RIMS2: variants seen among roughly 807,000 people sequenced by gnomAD.
RIMS2 encodes regulating synaptic membrane exocytosis 2.
RIMS2 carries 59 observed loss-of-function variants against 174.4 expected under a neutral mutation model. The ratio of observed to expected loss-of-function variants is 0.34; its 90% CI spans 0.27 to 0.42. The LOEUF (loss-of-function observed/expected upper bound fraction) is 0.42. RIMS2 is among the 10% of genes least tolerant of loss of function. The pLI, the probability that RIMS2 is intolerant of heterozygous loss-of-function variation, is 1.00. For missense variants in RIMS2, 1,620 were observed against 1,666.3 expected, an observed-to-expected ratio of 0.97 and a Z score of 0.48; for synonymous variants, 606 against 572.5, an observed-to-expected ratio of 1.06 and a Z score of -0.84.
At position 103,905,761 on chromosome 8, in the gene RIMS2, G is replaced by A. The variant is rs149746635; in HGVS notation, c.1625-4373G>A. Among the ~76,000 whole-genome samples, 1,196 of 136,600 alleles carry A rather than the reference G, an allele frequency of 8.8e-3. 21 individuals are homozygous for A. The highest frequency in any genetic ancestry group is 0.03 in the African/African-American group (1,083 of 36,394). 89.6% of individuals were successfully genotyped at this position (136,600 alleles called of 152,430 possible). On this transcript the variant is annotated intron_variant, in intron 4 of 23. Coordinates refer to ENST00000504942, the Ensembl canonical transcript of RIMS2. ...TAGTTTCTTAGGCCCTTGAGGCTCCGTTCATTTTCTTTTCTTTTTTTTTTT... is the reference window on the plus strand; with the variant it reads ...TAGTTTCTTAGGCCCTTGAGGCTCCATTCATTTTCTTTTCTTTTTTTTTTT...
chr8:103,859,244 C>G (rs1167488776), intron 3 of RIMS2, among the ~76,000 whole-genome samples: 1 of 152,088 alleles, frequency 6.6e-6, no homozygotes, highest in Non-Finnish European at 1.5e-5. Flanking sequence ...CCCACTGGAA[C>G]CTTCACTTTC....
In RIMS2 at chr8:104,197,177, C is replaced by CTTT. The variant is rs34674014; in HGVS notation, c.3335-47726_3335-47724dup. Among the ~76,000 whole-genome samples, 652 of 138,550 alleles carry CTTT rather than the reference C, an allele frequency of 4.7e-3. 6 individuals carry two copies. The highest frequency in any genetic ancestry group is 0.016 in the African/African-American group (605 of 37,326). 90.9% of individuals were successfully genotyped at this position (138,550 alleles called of 152,430 possible). On this transcript the variant is annotated intron_variant, in intron 19 of 23. Coordinates refer to ENST00000504942, the Ensembl canonical transcript of RIMS2. ...GTAATTCAACAATCTTAAACATAAGCTTTTTTTTTTTTTTTGAGATGAAGT... is the reference window on the plus strand; with the variant it reads ...GTAATTCAACAATCTTAAACATAAGCTTTTTTTTTTTTTTTTTTGAGATGAAGT...
At chr8:103,807,237 G>T (rs1398091879) in intron 3 of RIMS2, among the ~76,000 whole-genome samples, 1 of 152,042 alleles carries the variant, frequency 6.6e-6, no homozygotes, top group East Asian at 1.9e-4. Flanking sequence ...CACTGTGAAA[G>T]AAAATCAGAA....
intron 3 of RIMS2, among the ~76,000 whole-genome samples, chr8:103,852,334 A>G (rs1215000026): frequency 1.3e-5 from 2 of 151,938 alleles, no homozygotes; most frequent in East Asian, 3.9e-4. Context: ...TTTTAAAATG[A>G]TTTCATTTAT....
chr8:103,755,860 T>C (rs1054068191), intron 2 of RIMS2, among the ~76,000 whole-genome samples: 1 of 152,180 alleles, frequency 6.6e-6, no homozygotes, highest in African/African-American at 2.4e-5. Context: ...TTCCTTGCAT[T>C]GGGTTAGGAC....
chr8:104,054,124 G>T (rs1216425146), intron 19 of RIMS2, among the ~76,000 whole-genome samples: 1 of 152,126 alleles, frequency 6.6e-6, no homozygotes, highest in Non-Finnish European at 1.5e-5. Flanking sequence ...CTCCTAGTCT[G>T]TCCTGATGTC....
At chr8:104,124,011 C>A (rs2098407621) in intron 19 of RIMS2, among the ~76,000 whole-genome samples, 1 of 152,068 alleles carries the variant, frequency 6.6e-6, no homozygotes, top group Admixed American at 6.6e-5. Context: ...TGGACCTGTG[C>A]AATTACACCA....
At chr8:104,194,357 T>C (rs989539938) in intron 19 of RIMS2, among the ~76,000 whole-genome samples, 1 of 152,202 alleles carries the variant, frequency 6.6e-6, no homozygotes, top group African/African-American at 2.4e-5. Context: ...TCTGTGCTCT[T>C]ATAGTGTTTC....
chr8:103,998,182 C>T, intron 17 of RIMS2: 1 of 1,596,084 alleles, frequency 6.3e-7, no homozygotes. Context: ...GCCATGCTTG[C>T]AGTCATTTTC....
intron 17 of RIMS2, among the ~76,000 whole-genome samples, chr8:103,993,019 C>T (rs1340170594): frequency 6.6e-6 from 1 of 152,162 alleles, no homozygotes. Context: ...GAGGCTGAGG[C>T]AGGAGAATCG....
intron 3 of RIMS2, among the ~76,000 whole-genome samples, chr8:103,787,410 C>A (rs1355007368): frequency 1.3e-5 from 2 of 150,550 alleles, no homozygotes; most frequent in Non-Finnish European, 3.0e-5. Context: ...CAGCTGGTAC[C>A]GGTTGTTCCT....
intron 12 of RIMS2, among the ~76,000 whole-genome samples, chr8:103,935,058 G>A (rs762897803): frequency 4.6e-5 from 7 of 152,112 alleles, no homozygotes; most frequent in Non-Finnish European, 1.0e-4. Context: ...CCTGGCCTTC[G>A]TGGAAGGAAC....
chr8:103,990,777 C>G (rs2094634962), intron 17 of RIMS2, among the ~76,000 whole-genome samples: 1 of 151,764 alleles, frequency 6.6e-6, no homozygotes, highest in Non-Finnish European at 1.5e-5. Context: ...AGAGAAAATT[C>G]TGAAATGAAT....
At chr8:103,927,190 T>G (rs1470960254) in intron 10 of RIMS2, among the ~76,000 whole-genome samples, 1 of 151,636 alleles carries the variant, frequency 6.6e-6, no homozygotes, top group African/African-American at 2.4e-5. Context: ...AGTGTTATCT[T>G]GAGTGATACA....
intron 3 of RIMS2, among the ~76,000 whole-genome samples, chr8:103,813,960 G>A (rs905398584): frequency 2.8e-4 from 42 of 152,246 alleles, no homozygotes; most frequent in Admixed American, 7.8e-4. Context: ...TATGTTCATT[G>A]CAGCACTACT....
intron 19 of RIMS2, among the ~76,000 whole-genome samples, chr8:104,128,566 A>G (rs575348196): frequency 1.3e-5 from 2 of 152,226 alleles, no homozygotes; most frequent in East Asian, 3.9e-4. Context: ...GCGTAGTGGC[A>G]CATGCCTGTA....
intron 19 of RIMS2, among the ~76,000 whole-genome samples, chr8:104,231,342 C>T (rs770255409): frequency 1.3e-5 from 2 of 150,732 alleles, no homozygotes; most frequent in Non-Finnish European, 2.9e-5. Context: ...AGTTCTTTAA[C>T]AATATGAGGT....
At position 103,910,317 on chromosome 8, in the gene RIMS2, G is replaced by A. The variant is rs1419539807; in HGVS notation, c.1692+116G>A. 1.9e-6 allele frequency: 3 copies of A among 1,560,612 alleles called. No homozygotes were observed. Among genetic ancestry groups the A allele is most frequent in the Non-Finnish European group, 2.6e-6 (3 of 1,150,528 alleles). On this transcript the variant is annotated intron_variant, in intron 5 of 23. Coordinates refer to ENST00000504942, the Ensembl canonical transcript of RIMS2. ...TTTTTTTTTTTTTTATCCCATACCT[G>A]TAGGGGACAGTCAAAAGGGAAAAAG...
At chr8:104,068,526 G>A (rs779338753) in intron 19 of RIMS2, 8 of 1,514,522 alleles carry the variant, frequency 5.3e-6, no homozygotes, top group African/African-American at 4.1e-5. Flanking sequence ...TATGGATATA[G>A]AGGAGAGAAA....
Sources: allele counts gnomAD v4.1 joint callset (sites outside exome capture counted in the v4.1 genomes callset), GRCh38; gene constraint gnomAD v4.1.1; transcripts MANE v1.5; gene names NCBI Gene and HGNC (gene_info 2026-07-23, HGNC 2026-07-21).